The following SPOCK1 variants were observed in gnomAD, a reference collection of about 807,000 sequenced individuals.
SPOCK1 encodes the protein SPARC (osteonectin), cwcv and kazal like domains proteoglycan 1.
SPOCK1 carries 23 observed loss-of-function variants against 55.3 expected under a neutral mutation model. The observed-to-expected ratio is 0.42, with a 90% CI of 0.30 to 0.59. The LOEUF is 0.59. SPOCK1 is among the 20% of genes least tolerant of loss of function. The pLI is 0.22. For synonymous variants in SPOCK1, 226 were observed against 221.0 expected, an observed-to-expected ratio of 1.02 and a Z score of -0.20; for missense variants, 499 against 552.5, an observed-to-expected ratio of 0.90 and a Z score of 0.97.
chr5:137,152,120 A>G (rs1335159037), intron 3 of SPOCK1, among the ~76,000 whole-genome samples: 1 of 152,228 alleles, frequency 6.6e-6, no homozygotes, highest in African/African-American at 2.4e-5. Flanking sequence ...AACCACCTCA[A>G]GCTGAGAGAA....
intron 3 of SPOCK1, among the ~76,000 whole-genome samples, chr5:137,161,007 GATATATAT>G (rs34405933): frequency 3.5e-5 from 5 of 142,072 alleles, no homozygotes; most frequent in East Asian, 4.0e-4. Flanking sequence ...GAAACTGTGA[GATATATAT>G]ATATATATAT....
At chr5:137,101,189 T>G (rs1015201158) in intron 5 of SPOCK1, among the ~76,000 whole-genome samples, 5 of 152,238 alleles carry the variant, frequency 3.3e-5, no homozygotes, top group Non-Finnish European at 7.3e-5. Flanking sequence ...AGCGACATGA[T>G]CATGAACTTC....
intron 6 of SPOCK1, among the ~76,000 whole-genome samples, chr5:137,025,381 C>A (rs1447221048): frequency 6.6e-6 from 1 of 152,116 alleles, no homozygotes; most frequent in Non-Finnish European, 1.5e-5. Flanking sequence ...AAGCCAGCAA[C>A]AGTGGGAAAT....
intron 2 of SPOCK1, among the ~76,000 whole-genome samples, chr5:137,403,067 C>T (rs1752017512): frequency 6.6e-6 from 1 of 152,240 alleles, no homozygotes; most frequent in South Asian, 2.1e-4. Flanking sequence ...GTCCCTTCAC[C>T]TTCCTTCCTT....
chr5:137,037,957 A>G (rs1751916316), intron 6 of SPOCK1, among the ~76,000 whole-genome samples: 1 of 152,212 alleles, frequency 6.6e-6, no homozygotes, highest in Non-Finnish European at 1.5e-5. Context: ...CATAGAATAG[A>G]AAAATCCCTT....
At chr5:137,435,594 C>T (rs1752846516) in intron 2 of SPOCK1, among the ~76,000 whole-genome samples, 1 of 152,134 alleles carries the variant, frequency 6.6e-6, no homozygotes, top group Middle Eastern at 3.2e-3. Flanking sequence ...TTAAGGGGCA[C>T]ATATAAGCCA....
chr5:137,306,836 T>C (rs867951940), intron 2 of SPOCK1, among the ~76,000 whole-genome samples: 9 of 152,242 alleles, frequency 5.9e-5, no homozygotes, highest in Middle Eastern at 3.2e-3. Context: ...TATATAATTC[T>C]GTGGGGATTT....
At chr5:137,472,636 C>T (rs1234419037) in intron 2 of SPOCK1, among the ~76,000 whole-genome samples, 5 of 152,152 alleles carry the variant, frequency 3.3e-5, no homozygotes, top group Admixed American at 6.5e-5. Context: ...CAGCTGCACA[C>T]GAGTGAAATG....
intron 2 of SPOCK1, among the ~76,000 whole-genome samples, chr5:137,413,174 T>G (rs963435096): frequency 6.6e-6 from 1 of 152,236 alleles, no homozygotes; most frequent in Non-Finnish European, 1.5e-5. Flanking sequence ...TTCTTCTCAG[T>G]CAACTCTGCT....
chr5:137,066,987 C>CACACACACACACACACAGAGAG (rs1343691789), intron 6 of SPOCK1, among the ~76,000 whole-genome samples: 2 of 139,588 alleles, frequency 1.4e-5, no homozygotes, highest in Middle Eastern at 3.5e-3. Context: ...CACACACACA[C>CACACACACACACACACAGAGAG]AGAGAGAGAG....
intron 2 of SPOCK1, among the ~76,000 whole-genome samples, chr5:137,298,385 T>G (rs1364314889): frequency 6.6e-6 from 1 of 152,198 alleles, no homozygotes. Context: ...TTTCAATGGT[T>G]TGAAATGTGG....
At position 137,390,445 on chromosome 5, in the gene SPOCK1, T is replaced by C. The variant is rs536991106; in HGVS notation, c.186+107928A>G. Among the ~76,000 whole-genome samples, 8 of 152,326 alleles carry C rather than the reference T, an allele frequency of 5.3e-5. No individual in the cohort carries two copies. In the South Asian group the frequency reaches 1.7e-3, roughly 32 times the overall value. ...CCTTTTTAAATAAAGGAAATTACCATTTTAATAGGAACACCATCTATTTGT... is the reference window on the plus strand; with the variant it reads ...CCTTTTTAAATAAAGGAAATTACCACTTTAATAGGAACACCATCTATTTGT... On this transcript the variant is annotated intron_variant, in intron 2 of 10. Transcript: ENST00000394945.
At chr5:137,405,313 T>A (rs1580907732) in intron 2 of SPOCK1, among the ~76,000 whole-genome samples, 1 of 152,190 alleles carries the variant, frequency 6.6e-6, no homozygotes, top group Admixed American at 6.5e-5. Context: ...ACAGCTCACA[T>A]AATGAGCTTA....
Position 137,322,346 on chromosome 5 carries a change from A to ACAC in SPOCK1, c.187-55292_187-55291insGTG, listed in dbSNP as rs1554075608. ...AGATGCTGTCTCAAGGAAAAAAAAA[A>ACAC]AAACACACACACACACAAAACTCAC... On this transcript the variant is annotated intron_variant, in intron 2 of 10. Transcript: ENST00000394945. Among the ~76,000 whole-genome samples the ACAC allele has an allele frequency of 1.3e-4, 11 of 85,502 alleles. No individual in the cohort carries two copies. The South Asian group carries it at 3.6e-3, about 28-fold the overall frequency. 56.1% of individuals were successfully genotyped at this position (85,502 alleles called of 152,430 possible). A position where few individuals can be genotyped will look rare whatever the true frequency, so the allele number is the denominator to read the frequency against.
intron 6 of SPOCK1, among the ~76,000 whole-genome samples, chr5:137,000,171 C>A (rs1751122554): frequency 6.6e-6 from 1 of 152,126 alleles, no homozygotes; most frequent in Non-Finnish European, 1.5e-5. Context: ...GAAATGGAGA[C>A]CTGATGCTGA....
intron 3 of SPOCK1, among the ~76,000 whole-genome samples, chr5:137,186,050 C>CA (rs932007164): frequency 6.6e-6 from 1 of 152,046 alleles, no homozygotes; most frequent in Admixed American, 6.5e-5. Flanking sequence ...ATTGGGAATC[C>CA]AAAAAAATTC....
chr5:137,444,390 T>C (rs551497480), intron 2 of SPOCK1, among the ~76,000 whole-genome samples: 1 of 152,298 alleles, frequency 6.6e-6, no homozygotes, highest in African/African-American at 2.4e-5. Context: ...TAGGGTTGGG[T>C]GCAGAATGCA....
At chr5:137,198,401 C>T (rs1393374363) in intron 3 of SPOCK1, among the ~76,000 whole-genome samples, 3 of 152,198 alleles carry the variant, frequency 2.0e-5, no homozygotes, top group African/African-American at 7.2e-5. Flanking sequence ...TTTATACCTC[C>T]ATGCTTTCTA....
At chr5:137,213,213 G>A (rs1755650925) in intron 3 of SPOCK1, among the ~76,000 whole-genome samples, 1 of 152,188 alleles carries the variant, frequency 6.6e-6, no homozygotes, top group South Asian at 2.1e-4. Flanking sequence ...CTGAGCACTT[G>A]CTTTCAGAGT....
Sources: allele counts gnomAD v4.1 joint callset (sites outside exome capture counted in the v4.1 genomes callset), GRCh38; gene constraint gnomAD v4.1.1; transcripts MANE v1.5; gene names NCBI Gene and HGNC (gene_info 2026-07-23, HGNC 2026-07-21).